The following ZSCAN5A variants were observed in gnomAD, a reference collection of about 807,000 sequenced individuals.
ZSCAN5A encodes the protein zinc finger and SCAN domain-containing protein 5A.
In ZSCAN5A, 12 loss-of-function variants were observed where a neutral mutation model predicts 23.7. That is an observed-to-expected ratio of 0.51 (90% CI 0.32 to 0.82). The LOEUF (loss-of-function observed/expected upper bound fraction) is 0.82. Among genes scored for constraint, ZSCAN5A ranks in the 40% least tolerant of loss-of-function variants. The probability of loss-of-function intolerance (pLI) is 0.03; values close to 1 mark genes in which losing one functional copy is unlikely to be tolerated. For missense variants in ZSCAN5A, 597 were observed against 617.9 expected, an observed-to-expected ratio of 0.97 and a Z score of 0.36; for synonymous variants, 257 against 239.9, an observed-to-expected ratio of 1.07 and a Z score of -0.66.
chr19:56,302,532 CTT>C (rs1381895714), intron 2 of ZSCAN5A, among the ~76,000 whole-genome samples: 2 of 26,678 alleles, frequency 7.5e-5, no homozygotes, highest in East Asian at 4.6e-4. Context: ...CTCCCTCCCT[CTT>C]CTTCCTCCCC....
chr19:56,301,649 C>T (rs1461946249), intron 2 of ZSCAN5A, among the ~76,000 whole-genome samples: 2 of 152,074 alleles, frequency 1.3e-5, no homozygotes, highest in Non-Finnish European at 2.9e-5. Context: ...TTACCCAGCC[C>T]CTATTCAAGA....
intron 2 of ZSCAN5A, chr19:56,320,799 A>G: frequency 1.2e-6 from 1 of 816,062 alleles, no homozygotes; most frequent in East Asian, 2.4e-5. Flanking sequence ...GCCACCTCAA[A>G]AGCCTTATCA....
chr19:56,312,241 A>G (rs2041084496), intron 2 of ZSCAN5A: 1 of 152,212 alleles, frequency 6.6e-6, no homozygotes, highest in Admixed American at 6.5e-5. Flanking sequence ...ATAGTTAAAG[A>G]GTAGATCCAC....
In ZSCAN5A at chr19:56,228,486, T is replaced by A. The variant is rs1295874031; in HGVS notation, c.-127-3313A>T. 4 of 967,818 alleles carry A rather than the reference T, an allele frequency of 4.1e-6. No individual in the cohort carries two copies. The East Asian group carries it at 3.4e-4, about 83-fold the overall frequency. 60.0% of individuals were successfully genotyped at this position (967,818 alleles called of 1,614,324 possible). A position where few individuals can be genotyped will look rare whatever the true frequency, so the allele number is the denominator to read the frequency against. On this transcript the variant is annotated intron_variant, in intron 2 of 5. Transcript: ENST00000683990. ...ATTAATGTACTAAACATGCCTACTG[T>A]GCAAATATTTCCCGCTCTACTGAGT...
intron 2 of ZSCAN5A, chr19:56,310,395 A>G (rs2040962746): frequency 1.3e-5 from 2 of 152,276 alleles, no homozygotes; most frequent in South Asian, 4.1e-4. Flanking sequence ...TCTCTCCTCC[A>G]GATCGTTCTC....
At chr19:56,365,443 T>A (rs1261999654) in intron 1 of ZSCAN5A, among the ~76,000 whole-genome samples, 1 of 152,210 alleles carries the variant, frequency 6.6e-6, no homozygotes, top group East Asian at 1.9e-4. Flanking sequence ...ACAACATGGT[T>A]AAAAGGCTTA....
At chr19:56,297,570 C>T (rs2039962593) in intron 2 of ZSCAN5A, 1 of 969,552 alleles carries the variant, frequency 1.0e-6, no homozygotes, top group East Asian at 1.1e-4. Flanking sequence ...ATCTATAAGA[C>T]AGTGTGTCCC....
At position 56,352,089 on chromosome 19, in the gene ZSCAN5A, G is replaced by GT. The variant is rs1371552366; in HGVS notation, c.-358+11145_-358+11146insA. 6.1e-3 allele frequency among the ~76,000 whole-genome samples: 924 copies of GT among 151,742 alleles called. 8 individuals carry two copies. The highest frequency in any genetic ancestry group is 0.021 in the African/African-American group (854 of 41,294). On this transcript the variant is annotated intron_variant, in intron 2 of 6. Transcript: ENST00000587340. The surrounding 1 kb of genome is among the most constrained non-coding windows in gnomAD (Gnocchi z 4.2). ...GGGTATGCTTTGGTGGATAGTGTGG[G>GT]GTTTTTTTGTTTGTTTGTTTCTTTG...
At chr19:56,297,017 C>T (rs1460667858) in intron 2 of ZSCAN5A, among the ~76,000 whole-genome samples, 1 of 151,688 alleles carries the variant, frequency 6.6e-6, no homozygotes, top group Admixed American at 6.6e-5. Flanking sequence ...TGCAGTGAGC[C>T]GAGATCATGC....
Position 56,353,204 on chromosome 19 carries a change from G to A in ZSCAN5A, c.-358+10031C>T, listed in dbSNP as rs140562719. Among the ~76,000 whole-genome samples, 33 of 152,328 alleles carry A rather than the reference G, an allele frequency of 2.2e-4. No homozygotes were observed. The East Asian group carries it at 6.4e-3, about 29-fold the overall frequency. On this transcript the variant is annotated intron_variant, in intron 2 of 6. Transcript: ENST00000587340. ...GGTGTCATGCATTGAGGCAGAGATC[G>A]CTGGTGGAGAAGCACATACAGGGAA... is the stretch of plus-strand genomic sequence containing the variant.
Position 56,222,050 on chromosome 19 carries a change from G to C in ZSCAN5A, c.1016C>G (p.Ala339Gly). The C allele has an allele frequency of 3.1e-6, 5 of 1,614,178 alleles. No homozygotes were observed. Among genetic ancestry groups the C allele is most frequent in the Non-Finnish European group, 4.2e-6 (5 of 1,180,040 alleles). ...GMNSIHSPGP[A>G]SPVSHPDGQE... ...GCCATCCGGGTGACTGACTGGGCTCGCAGGGCCTGGGGAATGAATTGAATT... is the reference window on the plus strand; with the variant it reads ...GCCATCCGGGTGACTGACTGGGCTCCCAGGGCCTGGGGAATGAATTGAATT... Residue 339 changes from alanine (A) to glycine (G), a missense_variant, in exon 6 of 6, where the codon GCG becomes GGG. Ala to Gly is a moderately conservative substitution (Grantham distance 60). Transcript: ENST00000683990.
chr19:56,299,686 A>T (rs1299265663), intron 2 of ZSCAN5A: 1 of 152,162 alleles, frequency 6.6e-6, no homozygotes, highest in African/African-American at 2.4e-5. Context: ...CACACTTTAA[A>T]TCATCTCTAG....
chr19:56,262,409 ATTTTT>A (rs542630700), intron 2 of ZSCAN5A, among the ~76,000 whole-genome samples: 1 of 142,226 alleles, frequency 7.0e-6, no homozygotes, highest in East Asian at 2.1e-4. Flanking sequence ...CTCGTTTCTA[ATTTTT>A]TTTTTTTTGT....
intron 2 of ZSCAN5A, chr19:56,320,841 C>G: frequency 1.3e-6 from 1 of 777,202 alleles, no homozygotes; most frequent in Non-Finnish European, 2.4e-6. Context: ...TGTGCCCCCT[C>G]GCTTTCAAGT....
In ZSCAN5A at chr19:56,324,849, T is replaced by C. The variant is rs2041418123; in HGVS notation, c.-357-8581A>G. 1.3e-5 allele frequency among the ~76,000 whole-genome samples: 2 copies of C among 152,220 alleles called. 1 individual carries two copies. Among genetic ancestry groups the C allele is most frequent in the South Asian group, 4.1e-4 (2 of 4,828 alleles). ...TTCACCCAGCACTGTTTTGGAGAAC[T>C]GTCTATTTCAATCTATTCCTATACA... On this transcript the variant is annotated intron_variant, in intron 2 of 6. Transcript: ENST00000587340.
intron 2 of ZSCAN5A, among the ~76,000 whole-genome samples, chr19:56,353,200 G>C (rs1039952274): frequency 7.2e-5 from 11 of 152,228 alleles, no homozygotes; most frequent in African/African-American, 2.7e-4. Flanking sequence ...TTGAGGCAGA[G>C]ATCGCTGGTG....
rs938552147 is a variant in ZSCAN5A at position 56,242,311 on chromosome 19, T to C, written c.-127-17138A>G. Among the ~76,000 whole-genome samples the C allele has an allele frequency of 2.0e-5, 3 of 152,226 alleles. No individual in the cohort carries two copies. The South Asian group carries it at 6.2e-4, about 31-fold the overall frequency. ...GATGACGAGCACCTTTTCCTAGACC[T>C]GCTGGCCATTCACATGTCTTCATCT... On this transcript the variant is annotated intron_variant, in intron 2 of 5. Coordinates refer to ENST00000683990, the MANE Select transcript of ZSCAN5A (RefSeq NM_001322064.3).
chr19:56,251,828 G>T (rs1017884247), intron 2 of ZSCAN5A, among the ~76,000 whole-genome samples: 1 of 152,154 alleles, frequency 6.6e-6, no homozygotes, highest in East Asian at 1.9e-4. Context: ...CTTCCAAAGC[G>T]CTGGAATTAC....
intron 2 of ZSCAN5A, among the ~76,000 whole-genome samples, chr19:56,349,217 T>C (rs566784481): frequency 2.6e-5 from 4 of 152,266 alleles, no homozygotes; most frequent in Non-Finnish European, 5.9e-5. Flanking sequence ...AGTAAAACTC[T>C]CACCTCTGTC....
Sources: gnomAD v4.1 joint callset for allele counts (sites outside exome capture counted in the v4.1 genomes callset) on GRCh38, gnomAD v4.1.1 for gene constraint, Gnocchi (gnomAD v3.1) non-coding constraint, MANE v1.5 for transcripts, NCBI Gene and HGNC (gene_info 2026-07-23, HGNC 2026-07-21) for gene names.